The following SLC2A9 variants were observed in gnomAD, a reference collection of about 807,000 sequenced individuals.
The protein encoded by SLC2A9 is solute carrier family 2, facilitated glucose transporter member 9.
Under a neutral mutation model 50.6 loss-of-function variants are expected in SLC2A9, and 39 were observed. The ratio of observed to expected loss-of-function variants is 0.77; its 90% CI spans 0.60 to 1.01. The LOEUF is 1.01. Among genes scored for constraint, SLC2A9 ranks in the 50% least tolerant of loss-of-function variants. The pLI, the probability that SLC2A9 is intolerant of heterozygous loss-of-function variation, is 0.00. For missense variants in SLC2A9, 686 were observed against 677.6 expected, an observed-to-expected ratio of 1.01 and a Z score of -0.14; for synonymous variants, 324 against 276.9, an observed-to-expected ratio of 1.17 and a Z score of -1.69.
chr4:9,987,781 T>C (rs1756990889), intron 3 of SLC2A9, among the ~76,000 whole-genome samples: 1 of 151,700 alleles, frequency 6.6e-6, no homozygotes, highest in Admixed American at 6.6e-5. Flanking sequence ...TGAGCCAAGA[T>C]CATGCCACCG....
chr4:9,775,080 G>A (rs557895887), downstream of SLC2A9, among the ~76,000 whole-genome samples: 9 of 152,320 alleles, frequency 5.9e-5, no homozygotes, highest in African/African-American at 2.2e-4. Context: ...TGGGGTCATG[G>A]GCCTTCCCTG....
downstream of SLC2A9, among the ~76,000 whole-genome samples, chr4:9,775,348 C>G (rs551012442): frequency 6.5e-4 from 99 of 152,282 alleles, no homozygotes; most frequent in East Asian, 4.6e-3. Context: ...AGCCCCCATG[C>G]AGCATCAGAG....
At position 9,887,560 on chromosome 4, in the gene SLC2A9, G is replaced by A. The variant is rs1395699596; in HGVS notation, c.1291+7C>T. 6.4e-7 allele frequency: 1 copy of A among 1,556,386 alleles called. No homozygotes were observed. The highest frequency in any genetic ancestry group is 2.4e-5 in the East Asian group (1 of 41,164). ...GGCGGGGCAGTGGGGAGGGTGGGGT[G>A]CCTTACCTGGCCCACTGCAGAAAGA... On this transcript the variant is annotated splice_region_variant and intron_variant, in intron 10 of 11. Transcript: ENST00000264784.
At chr4:9,784,624 G>A (rs1190409561) in intron 3 of SLC2A9, among the ~76,000 whole-genome samples, 1 of 152,154 alleles carries the variant, frequency 6.6e-6, no homozygotes, top group African/African-American at 2.4e-5. Context: ...TCTGTAGGTC[G>A]AGGTGCTCAA....
At chr4:9,854,268 T>C (rs1730404851) in intron 10 of SLC2A9, among the ~76,000 whole-genome samples, 1 of 150,870 alleles carries the variant, frequency 6.6e-6, no homozygotes, top group African/African-American at 2.4e-5. Context: ...AGAGAGAAAA[T>C]TCAAATACAC....
At chr4:9,856,407 A>G (rs927226807) in intron 10 of SLC2A9, among the ~76,000 whole-genome samples, 3 of 152,236 alleles carry the variant, frequency 2.0e-5, no homozygotes, top group African/African-American at 7.2e-5. Flanking sequence ...AATCAAAACC[A>G]CAATGAGATA....
chr4:9,828,446 C>A (rs1360281803), intron 11 of SLC2A9, among the ~76,000 whole-genome samples: 3 of 152,212 alleles, frequency 2.0e-5, no homozygotes, highest in African/African-American at 7.2e-5. Context: ...TCAAAACCCA[C>A]CATGACTTCC....
chr4:9,805,593 C>T (rs931355517), intron 3 of SLC2A9, among the ~76,000 whole-genome samples: 1 of 151,738 alleles, frequency 6.6e-6, no homozygotes, highest in Non-Finnish European at 1.5e-5. Flanking sequence ...CTTACCTACT[C>T]AGGAGGCTGA....
chr4:9,777,793 G>T (rs1339806087), downstream of SLC2A9, among the ~76,000 whole-genome samples: 2 of 152,204 alleles, frequency 1.3e-5, no homozygotes, highest in African/African-American at 4.8e-5. Flanking sequence ...GGTCATAACG[G>T]CTGCACTAGG....
chr4:10,035,787 G>C (rs1764087035), intron 1 of SLC2A9: 1 of 152,316 alleles, frequency 6.6e-6, no homozygotes, highest in African/African-American at 2.4e-5. Context: ...TGTTTGTTTT[G>C]TTTTGTTTTG....
At chr4:9,897,469 G>T (rs1403418847) in intron 8 of SLC2A9, among the ~76,000 whole-genome samples, 2 of 152,000 alleles carry the variant, frequency 1.3e-5, no homozygotes, top group Non-Finnish European at 2.9e-5. Context: ...AGGTGATTCA[G>T]TTAAAAAAAT....
intron 10 of SLC2A9, among the ~76,000 whole-genome samples, chr4:9,845,423 A>ATTTTTT (rs1183351674): frequency 3.1e-5 from 4 of 130,796 alleles, no homozygotes; most frequent in African/African-American, 1.3e-4. Flanking sequence ...ACGATCATCA[A>ATTTTTT]TTTCTTTTTT....
In SLC2A9 at chr4:9,972,373, G is replaced by GT. The variant is rs528188285; in HGVS notation, c.681+8218dup. On this transcript the variant is annotated intron_variant, in intron 5 of 11. Transcript: ENST00000264784. ...TGCAAGAGAAATAGCTAATTGATTT[G>GT]TTTTAAAAAAAATATATCATTTGGA... Among the ~76,000 whole-genome samples the GT allele has an allele frequency of 6.7e-5, 10 of 149,488 alleles. No homozygotes were observed. In the South Asian group the frequency reaches 1.5e-3, roughly 23 times the overall value.
chr4:9,781,105 T>G (rs751993353), intron 3 of SLC2A9, among the ~76,000 whole-genome samples: 19 of 152,290 alleles, frequency 1.2e-4, no homozygotes, highest in Non-Finnish European at 2.6e-4. Context: ...GGGAGCCTGT[T>G]CCTAGGAGAC....
intron 10 of SLC2A9, among the ~76,000 whole-genome samples, chr4:9,850,534 T>C (rs972589331): frequency 7.9e-5 from 12 of 152,120 alleles, no homozygotes; most frequent in Admixed American, 2.0e-4. Flanking sequence ...CAGAGGGCAG[T>C]ATCAGATGCC....
chr4:9,823,805 T>C (rs1187609408), downstream of SLC2A9, among the ~76,000 whole-genome samples: 1 of 151,998 alleles, frequency 6.6e-6, no homozygotes, highest in Non-Finnish European at 1.5e-5. Context: ...GTGGAAAAAA[T>C]AGAAGATAAG....
chr4:9,885,957 G>T (rs776228061), intron 10 of SLC2A9, among the ~76,000 whole-genome samples: 3 of 152,228 alleles, frequency 2.0e-5, no homozygotes, highest in African/African-American at 4.8e-5. Flanking sequence ...TCCCATGTCT[G>T]CATTAAACAA....
At chr4:9,798,583 T>C (rs1483592240), downstream of SLC2A9, 5 of 150,802 alleles carry the variant, frequency 3.3e-5, no homozygotes, top group African/African-American at 7.3e-5. Context: ...GTCATGAGCG[T>C]GATAGGGCCT....
At chr4:10,018,589 T>TAGATAGATAGACAGATAAAC (rs1553915108) in intron 2 of SLC2A9, among the ~76,000 whole-genome samples, 1 of 151,032 alleles carries the variant, frequency 6.6e-6, no homozygotes, top group Admixed American at 6.6e-5. Context: ...GATAGATAGA[T>TAGATAGATAGACAGATAAAC]AACAACAACA....
Sources: allele counts gnomAD v4.1 joint callset (sites outside exome capture counted in the v4.1 genomes callset), GRCh38; gene constraint gnomAD v4.1.1; transcripts MANE v1.5; gene names NCBI Gene and HGNC (gene_info 2026-07-23, HGNC 2026-07-21).